Variants in CCN5 observed in about 807,000 individuals in gnomAD.
The protein encoded by CCN5 is cellular communication network factor 5, also known as CCN family member 5.
CCN5 carries 17 observed loss-of-function variants against 18.7 expected under a neutral mutation model. The observed-to-expected ratio is 0.91, with a 90% CI of 0.62 to 1.36. The LOEUF (loss-of-function observed/expected upper bound fraction) is 1.36. Ranked by LOEUF, CCN5 falls within the 40% of genes most tolerant of loss-of-function variation. The pLI is 0.00. For synonymous variants in CCN5, 135 were observed against 145.2 expected, an observed-to-expected ratio of 0.93 and a Z score of 0.50; for missense variants, 367 against 342.9, an observed-to-expected ratio of 1.07 and a Z score of -0.56.
At chr20:44,715,126 G>C, upstream of CCN5, 1 of 480,842 alleles carries the variant, frequency 2.1e-6, no homozygotes, top group Admixed American at 3.4e-5. Context: ...ACACGGACAG[G>C]CACCCCCTTG....
Position 44,720,089 on chromosome 20 carries a change from G to T in CCN5, c.253G>T (p.Gly85Cys). ...GGTCTGCCAGCCCGGGGCAGGACCCGGTGGCCGGGGGGCCCTGTGCCTCTG... is the reference window on the plus strand; with the variant it reads ...GGTCTGCCAGCCCGGGGCAGGACCCTGTGGCCGGGGGGCCCTGTGCCTCTG... ...GLVCQPGAGPGGRGALCLLAE... is the reference protein window; with the variant it reads ...GLVCQPGAGPCGRGALCLLAE... The change falls in exon 2 of 4, where the codon GGT (glycine) becomes TGT (cysteine). Residue 85 changes from glycine to cysteine, a missense_variant. By Grantham distance (159) the Gly-to-Cys change is radical. Transcript: ENST00000190983. 6.4e-7 allele frequency: 1 copy of T among 1,559,356 alleles called. No individual in the cohort carries two copies. The highest frequency in any genetic ancestry group is 2.3e-5 in the East Asian group (1 of 42,942).
Position 44,727,230 on chromosome 20 carries a change from G to A in CCN5, c.676G>A (p.Glu226Lys). Residue 226 changes from glutamate to lysine, a missense_variant, in exon 4 of 4, where the codon GAG becomes AAG. Transcript: ENST00000190983. ...VSNQNRFCRL[E>K]TQRRLCLSRP... The stretch of plus-strand genomic sequence containing the variant: ...CAACCAGAACCGCTTCTGCCGACTG[G>A]AGACCCAGCGCCGCCTGTGCCTGTC... The A allele has an allele frequency of 6.2e-7, 1 of 1,613,666 alleles. No homozygotes were observed. Among genetic ancestry groups the A allele is most frequent in the East Asian group, 2.2e-5 (1 of 44,876 alleles).
At chr20:44,724,587 C>T (rs1241551577) in intron 2 of CCN5, 151 bp from the exon 3 acceptor site, 3 of 1,238,730 alleles carry the variant, frequency 2.4e-6, no homozygotes, top group Non-Finnish European at 3.3e-6. Context: ...TGGTGGAGGG[C>T]TGGGGAGAGG....
At chr20:44,726,005 A>G (rs1487689009) in intron 3 of CCN5, among the ~76,000 whole-genome samples, 3 of 152,198 alleles carry the variant, frequency 2.0e-5, no homozygotes, top group African/African-American at 7.2e-5. Flanking sequence ...CGGCATCTGC[A>G]ACAGCCCCGC....
chr20:44,719,520 G>C (rs570407613), intron 1 of CCN5, among the ~76,000 whole-genome samples: 2 of 152,296 alleles, frequency 1.3e-5, no homozygotes, highest in South Asian at 2.1e-4. Context: ...CAGGCATGGT[G>C]GTGGGCGCCT....
intron 2 of CCN5, among the ~76,000 whole-genome samples, chr20:44,722,613 C>T (rs1469289345): frequency 6.6e-6 from 1 of 152,050 alleles, no homozygotes; most frequent in Non-Finnish European, 1.5e-5. Context: ...ATTACAGACA[C>T]ATACCACCAT....
intron 2 of CCN5, among the ~76,000 whole-genome samples, chr20:44,722,656 T>C (rs2065908234): frequency 6.6e-6 from 1 of 151,928 alleles, no homozygotes; most frequent in African/African-American, 2.4e-5. Context: ...AGTATTTCAG[T>C]AGAGACGGGG....
chr20:44,720,250 A>G (rs2065890134), intron 2 of CCN5, 137 bp downstream of exon 2: 3 of 973,942 alleles, frequency 3.1e-6, no homozygotes, highest in Non-Finnish European at 4.6e-6. Flanking sequence ...TTCCAGCTGA[A>G]CTTGGTGTCC....
At position 44,727,630 on chromosome 20, in the gene CCN5, C is replaced by A; in HGVS notation, c.*323C>A. ...CATGCACACGGGCGAGCTTTCTCTC[C>A]GACTTCCCCTGGGCAAGAGATGGGA... On this transcript the variant is annotated 3_prime_UTR_variant, in exon 4 of 4. Transcript: ENST00000190983. 2.2e-6 allele frequency: 2 copies of A among 891,830 alleles called. No homozygotes were observed. The highest frequency in any genetic ancestry group is 3.0e-6 in the Non-Finnish European group (2 of 674,648). The allele number at this position is 891,830 out of a possible 1,614,324, so 55.2% of individuals were successfully genotyped here. A position where few individuals can be genotyped will look rare whatever the true frequency, so the allele number is the denominator to read the frequency against.
intron 1 of CCN5, chr20:44,716,889 C>G (rs2065863217): frequency 6.6e-6 from 1 of 152,272 alleles, no homozygotes; most frequent in African/African-American, 2.4e-5. Context: ...CTCCAGTTTA[C>G]AGAGGAGAAA....
chr20:44,719,369 G>A (rs2065881452), intron 1 of CCN5, among the ~76,000 whole-genome samples: 1 of 152,208 alleles, frequency 6.6e-6, no homozygotes, highest in Non-Finnish European at 1.5e-5. Flanking sequence ...AGAACTGGAA[G>A]TCTAGCCAGG....
intron 3 of CCN5, among the ~76,000 whole-genome samples, chr20:44,726,759 A>G (rs1307195282): frequency 3.3e-5 from 5 of 152,182 alleles, no homozygotes; most frequent in Non-Finnish European, 7.3e-5. Context: ...CACTCCACAC[A>G]GGCTGGGCAC....
intron 3 of CCN5, among the ~76,000 whole-genome samples, chr20:44,726,346 A>G (rs2065936020): frequency 6.6e-6 from 1 of 152,206 alleles, no homozygotes; most frequent in Non-Finnish European, 1.5e-5. Context: ...ATACAGGTAT[A>G]TCTACACATA....
At chr20:44,722,470 T>C (rs1294401180) in intron 2 of CCN5, among the ~76,000 whole-genome samples, 57 of 147,318 alleles carry the variant, frequency 3.9e-4, no homozygotes, top group East Asian at 7.9e-4. Flanking sequence ...TCTCTCTTTT[T>C]TTTTTTTTTT....
At chr20:44,721,732 C>A (rs1001402298) in intron 2 of CCN5, among the ~76,000 whole-genome samples, 2 of 152,112 alleles carry the variant, frequency 1.3e-5, no homozygotes, top group African/African-American at 4.8e-5. Context: ...GTTTATTTTA[C>A]ACTTGCACAG....
rs775964448 is a variant in CCN5, at chr20:44,720,104, C to G, written c.268C>G (p.Leu90Val). 1 of 1,547,440 alleles carries G rather than the reference C, an allele frequency of 6.5e-7. No homozygotes were observed. Among genetic ancestry groups the G allele is most frequent in the Non-Finnish European group, 8.7e-7 (1 of 1,152,698 alleles). ...GGCAGGACCCGGTGGCCGGGGGGCCCTGTGCCTCTGTAAGCAGGTTTGCAG... is the reference window on the plus strand; with the variant it reads ...GGCAGGACCCGGTGGCCGGGGGGCCGTGTGCCTCTGTAAGCAGGTTTGCAG... ...PGAGPGGRGA[L>V]CLLAEDDSSC... Residue 90 changes from leucine (L) to valine (V), a missense_variant, in exon 2 of 4, where the codon CTG (leucine) becomes GTG (valine). Coordinates refer to ENST00000190983, the MANE Select transcript of CCN5 (RefSeq NM_003881.4).
intron 3 of CCN5, among the ~76,000 whole-genome samples, 187 bp downstream of exon 3, chr20:44,725,179 T>G (rs966176987): frequency 6.7e-6 from 1 of 150,288 alleles, no homozygotes; most frequent in African/African-American, 2.5e-5. Context: ...GGTTCACCCT[T>G]GTAATCCCAG....
At chr20:44,719,865 C>G in intron 1 of CCN5, 32 bp from the exon 2 acceptor site, 1 of 1,599,830 alleles carries the variant, frequency 6.3e-7, no homozygotes, top group Non-Finnish European at 8.5e-7. Context: ...ACCTCGAAAG[C>G]CCGTGGCTGA....
intron 3 of CCN5, among the ~76,000 whole-genome samples, 197 bp from the exon 4 acceptor site, chr20:44,726,890 A>G (rs1004291330): frequency 4.6e-5 from 7 of 152,220 alleles, no homozygotes; most frequent in African/African-American, 1.7e-4. Context: ...TCTTACAAGT[A>G]CCAGGTACTG....
Sources: gnomAD v4.1 joint callset for allele counts (sites outside exome capture counted in the v4.1 genomes callset) on GRCh38, gnomAD v4.1.1 for gene constraint, MANE v1.5 for transcripts, NCBI Gene and HGNC (gene_info 2026-07-23, HGNC 2026-07-21) for gene names.